The following LHX8 variants were observed in gnomAD, a reference collection of about 807,000 sequenced individuals.
LHX8 encodes LIM homeobox 8, also known as LIM/homeobox protein Lhx8.
In LHX8, 12 loss-of-function variants were observed where a neutral mutation model predicts 40.3. The observed-to-expected ratio is 0.30, with a 90% CI of 0.19 to 0.48. The LOEUF (loss-of-function observed/expected upper bound fraction) is 0.48, where lower values mean the gene tolerates loss of function less well. Ranked by LOEUF, LHX8 falls within the 20% of genes least tolerant of loss-of-function variation. The pLI, the probability that LHX8 is intolerant of heterozygous loss-of-function variation, is 0.99. For missense variants in LHX8, 344 were observed against 433.7 expected (o/e 0.79, Z 1.84); for synonymous variants, 179 against 162.0 (o/e 1.10, Z -0.80).
At chr1:75,162,988 ACATT>A (rs1463806985), downstream of LHX8, among the ~76,000 whole-genome samples, 5 of 151,176 alleles carry the variant, frequency 3.3e-5, no homozygotes. Context: ...AGGTGTGAAG[ACATT>A]CATGAGCTGT....
rs755312408 is a variant in LHX8, at chr1:75,156,986, C to G, written c.874C>G (p.Leu292Val). 1.2e-6 allele frequency: 2 copies of G among 1,614,192 alleles called. No individual in the cohort carries two copies. The highest frequency in any genetic ancestry group is 3.3e-5 in the Admixed American group (2 of 60,026). The change falls in exon 8 of 9, where the codon CTG (leucine) becomes GTG (valine). Residue 292 changes from leucine to valine, a missense_variant. Transcript: ENST00000356261. ...TPVTAVPPSR[L>V]SPPMLEEMAY... ...AGTCACAGCAGTCCCACCCTCCAGG[C>G]TGTCTCCACCCATGTTAGAAGAAAT...
In LHX8 at chr1:75,147,577, G is replaced by C. The variant is rs143457998; in HGVS notation, c.685-1010G>C. Among the ~76,000 whole-genome samples, 262 of 152,298 alleles carry C rather than the reference G, an allele frequency of 1.7e-3. 2 individuals are homozygous for C. Among genetic ancestry groups the C allele is most frequent in the African/African-American group, 5.9e-3 (244 of 41,582 alleles). ...AATTTTGCCTGCTGAAAAGAGTGAAGTCCAGCAGTGCTTGAGGTCTTTAAT... is the reference window on the plus strand; with the variant it reads ...AATTTTGCCTGCTGAAAAGAGTGAACTCCAGCAGTGCTTGAGGTCTTTAAT... On this transcript the variant is annotated intron_variant, in intron 6 of 8. Transcript: ENST00000356261.
chr1:75,138,410 A>G (rs1405907131), intron 3 of LHX8, among the ~76,000 whole-genome samples: 3 of 152,200 alleles, frequency 2.0e-5, no homozygotes, highest in Non-Finnish European at 4.4e-5. Context: ...CCCTATAGAT[A>G]AAACCTAGAG....
In LHX8 at chr1:75,161,419, GCAAA is replaced by G. The variant is rs1648916034; in HGVS notation, c.*527_*530del. On this transcript the variant is annotated 3_prime_UTR_variant, in exon 9 of 9. Coordinates refer to ENST00000356261, the MANE Select transcript of LHX8 (RefSeq NM_001256114.2). ...TAAAGCTTCTGTTGTAGCATGCCAT[GCAAA>G]CACATTATTGTGTTTGTGGTTGATG... 1 of 159,344 alleles carries G rather than the reference GCAAA, an allele frequency of 6.3e-6. No individual in the cohort carries two copies. The highest frequency in any genetic ancestry group is 2.4e-5 in the African/African-American group (1 of 41,448). The allele number at this position is 159,344 out of a possible 1,614,324, so 9.9% of individuals were successfully genotyped here.
chr1:75,169,467 CTGAAG>C, the LHX8 span, among the ~76,000 whole-genome samples: 2 of 152,102 alleles, frequency 1.3e-5, no homozygotes, highest in Admixed American at 6.6e-5. Context: ...GTGGTGGCTA[CTGAAG>C]TGAGGTGTGA....
At chr1:75,175,010 G>T in the LHX8 span, among the ~76,000 whole-genome samples, 1 of 152,020 alleles carries the variant, frequency 6.6e-6, no homozygotes, top group African/African-American at 2.4e-5. Context: ...TCATTCTTAC[G>T]CTTTTGCGTC....
the LHX8 span, among the ~76,000 whole-genome samples, chr1:75,169,523 G>C: frequency 6.6e-6 from 1 of 152,300 alleles, no homozygotes; most frequent in East Asian, 1.9e-4. Context: ...GTGCTCTGAA[G>C]TGGAAAAGGG....
At chr1:75,164,298 T>C (rs1379626860), downstream of LHX8, among the ~76,000 whole-genome samples, 1 of 152,170 alleles carries the variant, frequency 6.6e-6, no homozygotes, top group Admixed American at 6.5e-5. Flanking sequence ...AAAATTGATA[T>C]GTCCACTATC....
the LHX8 span, among the ~76,000 whole-genome samples, chr1:75,187,179 A>G: frequency 6.6e-6 from 1 of 152,206 alleles, no homozygotes; most frequent in Non-Finnish European, 1.5e-5. Flanking sequence ...CCAGAGCACC[A>G]CTTGAGGCTT....
chr1:75,143,781 G>A (rs1648385368), intron 5 of LHX8, 64 bp from the exon 6 acceptor site: 1 of 1,216,418 alleles, frequency 8.2e-7, no homozygotes, highest in Admixed American at 1.7e-5. Context: ...TAAGAAACCT[G>A]TTATTGTAAG....
downstream of LHX8, among the ~76,000 whole-genome samples, chr1:75,163,338 G>A (rs1270743781): frequency 2.6e-5 from 4 of 152,160 alleles, no homozygotes; most frequent in Non-Finnish European, 5.9e-5. Context: ...TACTCTACTA[G>A]CATGATTAAA....
At chr1:75,192,535 C>T in the LHX8 span, among the ~76,000 whole-genome samples, 1 of 152,230 alleles carries the variant, frequency 6.6e-6, no homozygotes, top group Admixed American at 6.5e-5. Context: ...AGTGCCCCTT[C>T]CTGGACCCTT....
chr1:75,169,590 T>C, the LHX8 span, among the ~76,000 whole-genome samples: 4 of 152,288 alleles, frequency 2.6e-5, no homozygotes, highest in Non-Finnish European at 5.9e-5. Context: ...CGTACTCCAA[T>C]TTCAAGCCCA....
chr1:75,183,192 T>C, the LHX8 span: 1 of 152,142 alleles, frequency 6.6e-6, no homozygotes, highest in Non-Finnish European at 1.5e-5. Context: ...ACAAACAACT[T>C]GAAAACTGTT....
At chr1:75,171,344 C>G in the LHX8 span, among the ~76,000 whole-genome samples, 35,272 of 151,832 alleles carry the variant, frequency 0.23, 4,451 homozygotes, top group Middle Eastern at 0.35. Flanking sequence ...TAGTTACAGA[C>G]ATACTGACTT....
chr1:75,133,866 T>C (rs1188534669), upstream of LHX8, among the ~76,000 whole-genome samples: 1 of 152,216 alleles, frequency 6.6e-6, no homozygotes, highest in Non-Finnish European at 1.5e-5. Flanking sequence ...TAAGCTTTTG[T>C]GTTGCTCAGA....
At chr1:75,145,422 A>C (rs770772800) in intron 6 of LHX8, among the ~76,000 whole-genome samples, 1 of 152,162 alleles carries the variant, frequency 6.6e-6, no homozygotes, top group Non-Finnish European at 1.5e-5. Context: ...TAAAAATAAA[A>C]TTGTGAAAAT....
chr1:75,168,813 T>TTACCAA, the LHX8 span, among the ~76,000 whole-genome samples: 1 of 152,204 alleles, frequency 6.6e-6, no homozygotes, highest in Non-Finnish European at 1.5e-5. Context: ...GGCATATCAC[T>TTACCAA]TACCAATTCA....
chr1:75,149,540 T>C (rs750047612), intron 7 of LHX8, among the ~76,000 whole-genome samples: 7 of 152,132 alleles, frequency 4.6e-5, no homozygotes, highest in Non-Finnish European at 1.0e-4. Context: ...AGAGACACTT[T>C]ACTGGGGTAG....
Sources: gnomAD v4.1 joint callset for allele counts (sites outside exome capture counted in the v4.1 genomes callset) on GRCh38, gnomAD v4.1.1 for gene constraint, MANE v1.5 for transcripts, NCBI Gene and HGNC (gene_info 2026-07-23, HGNC 2026-07-21) for gene names.